The following PTPRD variants were observed in gnomAD, a reference collection of about 807,000 sequenced individuals.
PTPRD encodes protein tyrosine phosphatase receptor type D.
A neutral mutation model predicts 214.5 loss-of-function variants in PTPRD; 34 were observed. The ratio of observed to expected loss-of-function variants is 0.16; its 90% confidence interval spans 0.12 to 0.21. PTPRD has a LOEUF of 0.21. Ranked by LOEUF, PTPRD falls within the 10% of genes least tolerant of loss-of-function variation. PTPRD has a pLI of 1.00. For missense variants in PTPRD, 2,545 were observed against 2,398.7 expected (o/e 1.06, Z -1.27); for synonymous variants, 1,128 against 845.7 (o/e 1.33, Z -5.79).
intron 3 of PTPRD, among the ~76,000 whole-genome samples, chr9:10,309,077 GTATA>G (rs2096184988): frequency 6.6e-6 from 1 of 151,928 alleles, no homozygotes. Context: ...CCTATCAAGA[GTATA>G]TATGGGTACT....
intron 9 of PTPRD, among the ~76,000 whole-genome samples, chr9:9,280,418 G>C (rs948867552): frequency 1.3e-5 from 2 of 151,214 alleles, no homozygotes; most frequent in Non-Finnish European, 3.0e-5. Context: ...AAACCAGTAA[G>C]TGATTATTGA....
intron 3 of PTPRD, among the ~76,000 whole-genome samples, chr9:10,125,622 T>TTGTGTGTGTGTGTGTGTGTGTGTG (rs35164422): frequency 9.3e-5 from 13 of 139,296 alleles, no homozygotes; most frequent in African/African-American, 3.5e-4. Context: ...GCTCGGCTAA[T>TTGTGTGTGTGTGTGTGTGTGTGTG]TGTGTGTGTG....
chr9:9,355,597 A>G (rs981473012), intron 9 of PTPRD, among the ~76,000 whole-genome samples: 2 of 151,472 alleles, frequency 1.3e-5, no homozygotes, highest in African/African-American at 4.8e-5. Flanking sequence ...TTCATTTTAT[A>G]TGTTTTCTAG....
chr9:8,390,789 A>G (rs548746759), intron 36 of PTPRD, among the ~76,000 whole-genome samples: 3 of 152,306 alleles, frequency 2.0e-5, no homozygotes, highest in East Asian at 3.9e-4. Flanking sequence ...AAGCTACTCC[A>G]TAAGAGAAAG....
chr9:8,986,649 T>C (rs2099346418), intron 11 of PTPRD, among the ~76,000 whole-genome samples: 1 of 152,078 alleles, frequency 6.6e-6, no homozygotes. Context: ...TCATAAATAA[T>C]TGCGGTGAAC....
chr9:8,437,035 C>G (rs1448635301), intron 34 of PTPRD, among the ~76,000 whole-genome samples: 1 of 152,164 alleles, frequency 6.6e-6, no homozygotes, highest in Non-Finnish European at 1.5e-5. Context: ...ACTTTTATGC[C>G]ATTTCAAACT....
intron 10 of PTPRD, among the ~76,000 whole-genome samples, chr9:9,124,025 T>A (rs2099820143): frequency 6.6e-6 from 1 of 152,068 alleles, no homozygotes; most frequent in Non-Finnish European, 1.5e-5. Context: ...GGAGGGAGGT[T>A]AAGTAGTTTT....
chr9:9,082,547 G>T (rs976896213), intron 10 of PTPRD, among the ~76,000 whole-genome samples: 1 of 152,140 alleles, frequency 6.6e-6, no homozygotes, highest in African/African-American at 2.4e-5. Context: ...GGAAGTTCCG[G>T]CCAGGGAAAT....
intron 2 of PTPRD, among the ~76,000 whole-genome samples, chr9:10,446,356 T>A (rs1483644807): frequency 6.6e-6 from 1 of 150,976 alleles, no homozygotes; most frequent in Non-Finnish European, 1.5e-5. Flanking sequence ...AAGAGATGAA[T>A]ATAAGAACTA....
At chr9:10,549,050 T>C (rs577113134) in intron 2 of PTPRD, among the ~76,000 whole-genome samples, 1 of 152,274 alleles carries the variant, frequency 6.6e-6, no homozygotes, top group Non-Finnish European at 1.5e-5. Context: ...TGTGGTTTTG[T>C]TCAATTCAAA....
intron 2 of PTPRD, among the ~76,000 whole-genome samples, chr9:10,470,001 G>T (rs895014224): frequency 6.6e-6 from 1 of 151,972 alleles, no homozygotes; most frequent in South Asian, 2.1e-4. Context: ...CAGAGGCTGG[G>T]TAGGGTATTT....
At chr9:9,323,922 G>T (rs916638244) in intron 9 of PTPRD, among the ~76,000 whole-genome samples, 11 of 152,148 alleles carry the variant, frequency 7.2e-5, no homozygotes, top group Admixed American at 1.3e-4. Flanking sequence ...GCCCAGCTAT[G>T]AATGAGAACA....
chr9:10,235,951 C>G (rs1019642655), intron 3 of PTPRD, among the ~76,000 whole-genome samples: 1 of 151,886 alleles, frequency 6.6e-6, no homozygotes, highest in Non-Finnish European at 1.5e-5. Context: ...TATAGTTATT[C>G]TCAAATACAG....
rs577205854 is a variant in PTPRD, at chr9:10,332,768, G to A, written c.-545+8195C>T. On this transcript the variant is annotated intron_variant, in intron 3 of 45. Coordinates refer to ENST00000381196, the MANE Select transcript of PTPRD (RefSeq NM_002839.4). ...GCTGCATTCTGAACTCTTGCAGTCC[G>A]GTGAAAGAGTCTGTCTTTTTAACCA... Among the ~76,000 whole-genome samples the A allele has an allele frequency of 2.4e-4, 36 of 151,784 alleles. 1 individual carries two copies. Among genetic ancestry groups the A allele is most frequent in the Admixed American group, 2.1e-3 (32 of 15,206 alleles).
chr9:8,392,586 C>G (rs891715697), intron 36 of PTPRD, among the ~76,000 whole-genome samples: 3 of 151,988 alleles, frequency 2.0e-5, no homozygotes, highest in Non-Finnish European at 4.4e-5. Context: ...AATGGAATAC[C>G]TGGTAGAGCA....
intron 12 of PTPRD, among the ~76,000 whole-genome samples, chr9:8,706,275 G>C (rs939275648): frequency 6.6e-5 from 10 of 152,140 alleles, no homozygotes; most frequent in Non-Finnish European, 1.2e-4. Flanking sequence ...TTTTCAGGGA[G>C]GTTTGATATT....
intron 8 of PTPRD, among the ~76,000 whole-genome samples, chr9:9,496,382 A>G (rs2096188398): frequency 6.6e-6 from 1 of 152,146 alleles, no homozygotes; most frequent in African/African-American, 2.4e-5. Flanking sequence ...AAAACTCAAC[A>G]ACAAAACCCA....
chr9:8,955,427 G>C (rs1210236213), intron 11 of PTPRD, among the ~76,000 whole-genome samples: 1 of 151,628 alleles, frequency 6.6e-6, no homozygotes, highest in Non-Finnish European at 1.5e-5. Flanking sequence ...TGGTATCACA[G>C]CTATCAATAA....
chr9:10,189,856 G>C (rs1036789392), intron 3 of PTPRD, among the ~76,000 whole-genome samples: 71 of 152,174 alleles, frequency 4.7e-4, no homozygotes, highest in African/African-American at 1.7e-3. Context: ...TGAGGGAATG[G>C]GAGAGAGAGT....
Sources: gnomAD v4.1 joint callset for allele counts (sites outside exome capture counted in the v4.1 genomes callset) on GRCh38, gnomAD v4.1.1 for gene constraint, MANE v1.5 for transcripts, NCBI Gene and HGNC (gene_info 2026-07-23, HGNC 2026-07-21) for gene names.